Variants in GRIP1 observed in about 807,000 individuals in gnomAD.
The protein encoded by GRIP1 is glutamate receptor-interacting protein 1.
In GRIP1, 45 loss-of-function variants were observed where a neutral mutation model predicts 129.9. The ratio of observed to expected loss-of-function variants is 0.35; its 90% CI spans 0.27 to 0.44. The LOEUF (loss-of-function observed/expected upper bound fraction) is 0.44, where lower values mean the gene tolerates loss of function less well. Ranked by LOEUF, GRIP1 falls within the 20% of genes least tolerant of loss-of-function variation. The pLI is 1.00. For missense variants in GRIP1, 1,196 were observed against 1,396.8 expected, an observed-to-expected ratio of 0.86 and a Z score of 2.29; for synonymous variants, 530 against 520.8, an observed-to-expected ratio of 1.02 and a Z score of -0.24.
At chr12:66,889,354 G>A (rs1467463578) in intron 1 of GRIP1, among the ~76,000 whole-genome samples, 10 of 152,070 alleles carry the variant, frequency 6.6e-5, no homozygotes, top group African/African-American at 2.4e-4. Context: ...CCAGCTACTC[G>A]GGAGGCTGAG....
intron 1 of GRIP1, among the ~76,000 whole-genome samples, chr12:66,886,286 T>C (rs1319872729): frequency 6.6e-6 from 1 of 151,910 alleles, no homozygotes; most frequent in Non-Finnish European, 1.5e-5. Flanking sequence ...AAACAAAGAT[T>C]ATCCCCAAAT....
At chr12:67,043,715 C>A (rs1281694988) in intron 1 of GRIP1, among the ~76,000 whole-genome samples, 1 of 151,952 alleles carries the variant, frequency 6.6e-6, no homozygotes, top group Non-Finnish European at 1.5e-5. Flanking sequence ...TATTTAAGGC[C>A]AGAGAAAAAC....
At chr12:66,497,032 T>A (rs1437392982) in intron 7 of GRIP1, among the ~76,000 whole-genome samples, 1 of 152,202 alleles carries the variant, frequency 6.6e-6, no homozygotes, top group East Asian at 1.9e-4. Context: ...ACTCTCAATT[T>A]AGATGAAACA....
rs143958850 is a variant in GRIP1 at position 66,643,987 on chromosome 12, G to T, written c.55+34863C>A. 5.0e-3 allele frequency among the ~76,000 whole-genome samples: 757 copies of T among 152,196 alleles called. 4 individuals are homozygous for T. The highest frequency in any genetic ancestry group is 9.1e-3 in the Non-Finnish European group (621 of 68,004). ...GAAAAAGATGTTTAATTGGACTTAC[G>T]GTCCCATATGGCTGGGGAGGCCTTA... On this transcript the variant is annotated intron_variant, in intron 1 of 24. Coordinates refer to ENST00000359742, the MANE Select transcript of GRIP1 (RefSeq NM_001366722.1).
At chr12:66,951,963 G>A (rs1029868361) in intron 1 of GRIP1, among the ~76,000 whole-genome samples, 1 of 152,198 alleles carries the variant, frequency 6.6e-6, no homozygotes, top group Non-Finnish European at 1.5e-5. Flanking sequence ...CAAATTTGGT[G>A]TTCAGAGAAG....
chr12:66,511,063 C>T (rs1357682301), intron 7 of GRIP1, among the ~76,000 whole-genome samples: 1 of 152,052 alleles, frequency 6.6e-6, no homozygotes, highest in African/African-American at 2.4e-5. Context: ...ACAATTCCCA[C>T]GTGTTGTGGG....
chr12:66,574,223 C>T (rs1282397534), intron 2 of GRIP1, among the ~76,000 whole-genome samples: 2 of 152,214 alleles, frequency 1.3e-5, no homozygotes, highest in East Asian at 3.9e-4. Flanking sequence ...TTCTGATAGG[C>T]AGCGTCAATT....
At position 66,753,440 on chromosome 12, in the gene GRIP1, G is replaced by A. The variant is rs139863443; in HGVS notation, c.-420+50613C>T. Reference sequence around the variant, plus strand: ...AGGTCCCCAAATCATTCTGTGGCACGCAGTCACCTTCCACCACTGCTGACC... The same window carrying A: ...AGGTCCCCAAATCATTCTGTGGCACACAGTCACCTTCCACCACTGCTGACC... On this transcript the variant is annotated intron_variant, in intron 1 of 4. Coordinates refer to the GRIP1 transcript ENST00000538373. Among the ~76,000 whole-genome samples the A allele has an allele frequency of 4.3e-3, 662 of 152,266 alleles. 2 individuals carry two copies. The highest frequency in any genetic ancestry group is 0.015 in the African/African-American group (635 of 41,550).
At chr12:66,756,000 C>T (rs1013473575) in intron 1 of GRIP1, among the ~76,000 whole-genome samples, 1 of 152,160 alleles carries the variant, frequency 6.6e-6, no homozygotes, top group Non-Finnish European at 1.5e-5. Flanking sequence ...GCTTTACTTC[C>T]TCCCTTGCCT....
rs544824719 is a variant in GRIP1 at position 66,529,742 on chromosome 12, T to A, written c.502+89A>T. 14 of 810,684 alleles carry A rather than the reference T, an allele frequency of 1.7e-5. No individual in the cohort carries two copies. In the East Asian group the frequency reaches 3.4e-4, roughly 20 times the overall value. 50.2% of individuals were successfully genotyped at this position (810,684 alleles called of 1,614,324 possible). A position where few individuals can be genotyped will look rare whatever the true frequency, so the allele number is the denominator to read the frequency against. On this transcript the variant is annotated intron_variant, in intron 5 of 24. Coordinates refer to ENST00000359742, the MANE Select transcript of GRIP1 (RefSeq NM_001366722.1). ...CACAAATCACCACTAAATAACTTAT[T>A]CATGTAACCAAATACCCAAATACCA...
At chr12:66,954,904 G>C (rs1314436592) in intron 1 of GRIP1, among the ~76,000 whole-genome samples, 5 of 152,186 alleles carry the variant, frequency 3.3e-5, no homozygotes, top group Non-Finnish European at 7.3e-5. Context: ...GTTCCAGGAA[G>C]AAGGACTAAA....
At chr12:66,678,705 A>G (rs1592734762) in intron 1 of GRIP1, 145 bp downstream of exon 1, 1 of 753,816 alleles carries the variant, frequency 1.3e-6, no homozygotes, top group East Asian at 2.7e-5. Context: ...ACCTGTACAT[A>G]TGTATCTATA....
intron 7 of GRIP1, among the ~76,000 whole-genome samples, chr12:66,514,606 C>T (rs974197208): frequency 4.5e-4 from 69 of 151,984 alleles, no homozygotes; most frequent in Middle Eastern, 3.4e-3. Context: ...GTAAGGGAGG[C>T]GATATTCATT....
intron 1 of GRIP1, among the ~76,000 whole-genome samples, chr12:67,049,503 T>G (rs1017444218): frequency 6.6e-6 from 1 of 151,528 alleles, no homozygotes; most frequent in African/African-American, 2.4e-5. Flanking sequence ...CAAGTGGGAG[T>G]TGAACAATGA....
chr12:66,435,854 TAATA>T (rs2138007171), intron 13 of GRIP1, among the ~76,000 whole-genome samples: 1 of 152,370 alleles, frequency 6.6e-6, no homozygotes, highest in South Asian at 2.1e-4. Context: ...AAATATCAAC[TAATA>T]AATCTCTTTG....
intron 2 of GRIP1, among the ~76,000 whole-genome samples, chr12:66,552,787 T>C (rs75347754): frequency 0.015 from 2,249 of 152,298 alleles, 60 homozygotes; most frequent in African/African-American, 0.052. Context: ...TATTTGATTG[T>C]CCCTTGTTTG....
chr12:66,427,519 C>T (rs150394317), intron 14 of GRIP1, among the ~76,000 whole-genome samples: 2 of 152,146 alleles, frequency 1.3e-5, no homozygotes, highest in African/African-American at 2.4e-5. Flanking sequence ...ATACTGAGAA[C>T]TTAAACAATA....
At chr12:67,060,170 T>C (rs956932242) in intron 1 of GRIP1, among the ~76,000 whole-genome samples, 4 of 152,196 alleles carry the variant, frequency 2.6e-5, no homozygotes, top group Admixed American at 1.3e-4. Flanking sequence ...TGGTTTATAA[T>C]AGACCAATAA....
rs2057984121 is a variant in GRIP1 at position 66,426,279 on chromosome 12, G to A, written c.1769-5490C>T. ...CTGTAACACCTATTACTTGGATGTTGTGTCATTTGTACTCAACCTGTATAA... is the reference window on the plus strand; with the variant it reads ...CTGTAACACCTATTACTTGGATGTTATGTCATTTGTACTCAACCTGTATAA... On this transcript the variant is annotated intron_variant, in intron 14 of 24. Coordinates refer to ENST00000359742, the MANE Select transcript of GRIP1 (RefSeq NM_001366722.1). Among the ~76,000 whole-genome samples the A allele has an allele frequency of 2.6e-5, 4 of 152,062 alleles. No individual in the cohort carries two copies. In the South Asian group the frequency reaches 8.3e-4, roughly 32 times the overall value.
Sources: allele counts gnomAD v4.1 joint callset (sites outside exome capture counted in the v4.1 genomes callset), GRCh38; gene constraint gnomAD v4.1.1; transcripts MANE v1.5; gene names NCBI Gene and HGNC (gene_info 2026-07-23, HGNC 2026-07-21).